The following MARCHF1 variants were observed in gnomAD, a reference collection of about 807,000 sequenced individuals.
MARCHF1 encodes E3 ubiquitin-protein ligase MARCHF1.
In MARCHF1, 40 loss-of-function variants were observed where a neutral mutation model predicts 54.2. The ratio of observed to expected loss-of-function variants is 0.74; its 90% CI spans 0.57 to 0.96. The LOEUF is 0.96. Among genes scored for constraint, MARCHF1 ranks in the 40% least tolerant of loss-of-function variants. MARCHF1 has a pLI of 0.00. For synonymous variants in MARCHF1, 236 were observed against 236.3 expected (o/e 1.00, Z 0.01); for missense variants, 586 against 656.5 (o/e 0.89, Z 1.17).
At chr4:164,314,834 C>T (rs1377612590) in intron 1 of MARCHF1, among the ~76,000 whole-genome samples, 2 of 152,070 alleles carry the variant, frequency 1.3e-5, no homozygotes, top group African/African-American at 4.8e-5. Flanking sequence ...AATGTGATGA[C>T]TTTTATGTTA....
intron 3 of MARCHF1, among the ~76,000 whole-genome samples, chr4:163,945,773 CTG>C (rs1228565557): frequency 6.6e-6 from 1 of 152,084 alleles, no homozygotes; most frequent in African/African-American, 2.4e-5. Flanking sequence ...CCACAGAAGA[CTG>C]TTAAAATACT....
chr4:164,339,858 TA>T (rs1729862833), intron 1 of MARCHF1, among the ~76,000 whole-genome samples: 1 of 151,972 alleles, frequency 6.6e-6, no homozygotes, highest in South Asian at 2.1e-4. Context: ...AAATAAAGGA[TA>T]AAATCAGAAC....
intron 3 of MARCHF1, among the ~76,000 whole-genome samples, chr4:163,886,073 G>GA (rs967299519): frequency 6.8e-6 from 1 of 147,674 alleles, no homozygotes; most frequent in African/African-American, 2.5e-5. Context: ...TCTATATATA[G>GA]ATATATATAT....
At chr4:164,039,428 G>C (rs748757802) in intron 2 of MARCHF1, among the ~76,000 whole-genome samples, 16 of 152,134 alleles carry the variant, frequency 1.1e-4, no homozygotes, top group Non-Finnish European at 1.8e-4. Flanking sequence ...TAAGTGAAAA[G>C]TGCAGATGTC....
intron 9 of MARCHF1, 112 bp from the exon 10 acceptor site, chr4:163,529,158 G>A: frequency 2.8e-6 from 2 of 708,010 alleles, no homozygotes; most frequent in South Asian, 2.0e-5. Context: ...GATTATGTAT[G>A]TTAACAGAAA....
chr4:163,586,294 A>G (rs995540222), intron 7 of MARCHF1, among the ~76,000 whole-genome samples: 1 of 152,220 alleles, frequency 6.6e-6, no homozygotes, highest in Admixed American at 6.5e-5. Context: ...TATATGAAAC[A>G]TAAATGAATT....
At chr4:163,848,162 T>C (rs1749538934) in intron 4 of MARCHF1, among the ~76,000 whole-genome samples, 1 of 152,242 alleles carries the variant, frequency 6.6e-6, no homozygotes, top group Non-Finnish European at 1.5e-5. Context: ...TTTAATTTCA[T>C]GTATGAGTAT....
At chr4:164,345,113 C>T (rs1349837084) in intron 1 of MARCHF1, among the ~76,000 whole-genome samples, 3 of 151,836 alleles carry the variant, frequency 2.0e-5, no homozygotes, top group Non-Finnish European at 4.4e-5. Context: ...TATATATTTT[C>T]AAATAGCTAG....
At chr4:163,710,030 C>T (rs1287517014) in intron 4 of MARCHF1, among the ~76,000 whole-genome samples, 1 of 152,070 alleles carries the variant, frequency 6.6e-6, no homozygotes, top group African/African-American at 2.4e-5. Context: ...ACAAACACTC[C>T]AAATTTTCTT....
Position 164,255,642 on chromosome 4 carries a change from AAT to A in MARCHF1, c.-323+128226_-323+128227del, listed in dbSNP as rs1290324972. On this transcript the variant is annotated intron_variant, in intron 1 of 9. Coordinates refer to ENST00000514618, the MANE Select transcript of MARCHF1 (RefSeq NM_001394959.1). Reference sequence around the variant, plus strand: ...GAAAAAGTAATATCAGACAAAATATAATAGTTGTTGAATTTTTAAAATAAAAA... The same window carrying A: ...GAAAAAGTAATATCAGACAAAATATAAGTTGTTGAATTTTTAAAATAAAAA... Among the ~76,000 whole-genome samples, 4 of 152,208 alleles carry A rather than the reference AAT, an allele frequency of 2.6e-5. No homozygotes were observed. In the South Asian group the frequency reaches 8.3e-4, roughly 32 times the overall value.
chr4:163,558,304 C>G (rs112593365), intron 8 of MARCHF1, among the ~76,000 whole-genome samples: 2 of 152,178 alleles, frequency 1.3e-5, no homozygotes, highest in Non-Finnish European at 2.9e-5. Context: ...CAAAAGGAAT[C>G]TCTTTATGAC....
At chr4:164,120,066 T>C (rs2915263) in intron 1 of MARCHF1, among the ~76,000 whole-genome samples, 99,223 of 151,602 alleles carry the variant, frequency 0.65, 32,859 homozygotes, top group East Asian at 0.89. Flanking sequence ...CTGATATATT[T>C]AGTTATAAAA....
At chr4:163,811,962 G>A (rs1041580899) in intron 4 of MARCHF1, among the ~76,000 whole-genome samples, 8 of 152,122 alleles carry the variant, frequency 5.3e-5, no homozygotes, top group African/African-American at 1.7e-4. Context: ...TATAGCAAAT[G>A]ACTCTCCCCA....
At chr4:163,601,509 CTTAAA>C (rs1281775416) in intron 7 of MARCHF1, among the ~76,000 whole-genome samples, 3 of 151,606 alleles carry the variant, frequency 2.0e-5, no homozygotes, top group African/African-American at 7.3e-5. Flanking sequence ...ACATATTGTT[CTTAAA>C]TTAAGAAGTA....
chr4:164,136,662 T>C (rs147539181), intron 1 of MARCHF1, among the ~76,000 whole-genome samples: 1 of 152,136 alleles, frequency 6.6e-6, no homozygotes, highest in Non-Finnish European at 1.5e-5. Context: ...CCACGGAGCC[T>C]TTCAGCTGGC....
At chr4:163,942,655 A>G (rs913203016) in intron 3 of MARCHF1, among the ~76,000 whole-genome samples, 16 of 152,218 alleles carry the variant, frequency 1.1e-4, no homozygotes, top group African/African-American at 3.9e-4. Flanking sequence ...AGAGAACTGA[A>G]GGGATATGCA....
intron 1 of MARCHF1, among the ~76,000 whole-genome samples, chr4:164,351,596 C>A (rs1730337092): frequency 6.6e-6 from 1 of 152,092 alleles, no homozygotes; most frequent in Non-Finnish European, 1.5e-5. Context: ...GACATCCACA[C>A]CAAAAACCCA....
At chr4:164,354,411 C>T (rs1356017388) in intron 1 of MARCHF1, among the ~76,000 whole-genome samples, 2 of 135,454 alleles carry the variant, frequency 1.5e-5, no homozygotes, top group Admixed American at 1.5e-4. Context: ...AAAGCTTATC[C>T]ACCATGATCA....
intron 4 of MARCHF1, among the ~76,000 whole-genome samples, chr4:163,841,312 T>C (rs1749330344): frequency 3.9e-5 from 6 of 152,048 alleles, no homozygotes; most frequent in Admixed American, 3.9e-4. Flanking sequence ...TCATCAACTA[T>C]AACAAATGGA....
Sources: gnomAD v4.1 joint callset for allele counts (sites outside exome capture counted in the v4.1 genomes callset) on GRCh38, gnomAD v4.1.1 for gene constraint, MANE v1.5 for transcripts, NCBI Gene and HGNC (gene_info 2026-07-23, HGNC 2026-07-21) for gene names.